Variants in NCOA3 observed in about 807,000 individuals in gnomAD.
NCOA3 encodes the protein CBP-interacting protein.
NCOA3 carries 51 observed loss-of-function variants against 158.8 expected under a neutral mutation model. The ratio of observed to expected loss-of-function variants is 0.32; its 90% CI spans 0.26 to 0.41. The LOEUF (loss-of-function observed/expected upper bound fraction) is 0.41, where lower values mean the gene tolerates loss of function less well. Among genes scored for constraint, NCOA3 ranks in the 10% least tolerant of loss-of-function variants. The pLI is 1.00. For synonymous variants in NCOA3, 537 were observed against 592.4 expected (o/e 0.91, Z 1.36); for missense variants, 1,510 against 1,746.6 (o/e 0.86, Z 2.41).
rs774591657 is a variant in NCOA3 at position 47,603,462 on chromosome 20, A to G, written c.-19-18767A>G. On this transcript the variant is annotated intron_variant, in intron 2 of 22. Transcript: ENST00000371998. ...GGGAGTCTGCAACTCCCCAAGCCCA[A>G]GTAGGCATGTGTTACAGTATGCTCT... Among the ~76,000 whole-genome samples the G allele has an allele frequency of 3.3e-5, 5 of 152,368 alleles. No individual in the cohort carries two copies. The East Asian group carries it at 7.7e-4, about 24-fold the overall frequency.
At chr20:47,543,127 C>T (rs1398676151) in intron 1 of NCOA3, among the ~76,000 whole-genome samples, 4 of 152,140 alleles carry the variant, frequency 2.6e-5, no homozygotes, top group African/African-American at 7.2e-5. Flanking sequence ...GATTTGCTTC[C>T]GAGGTGGCTT....
At chr20:47,608,640 CAAAAAAAA>C (rs148545557) in intron 2 of NCOA3, among the ~76,000 whole-genome samples, 1 of 98,680 alleles carries the variant, frequency 1.0e-5, no homozygotes, top group African/African-American at 3.9e-5. Flanking sequence ...ACCCTGTCTC[CAAAAAAAA>C]AAAAAAAAAA....
At chr20:47,634,312 G>A (rs1215269734) in intron 10 of NCOA3, 117 bp downstream of exon 10, 6 of 1,004,656 alleles carry the variant, frequency 6.0e-6, no homozygotes, top group Non-Finnish European at 8.8e-6. Context: ...AGGTTATTGG[G>A]TTTGATGAAA....
chr20:47,618,797 C>T (rs116848790), intron 2 of NCOA3, among the ~76,000 whole-genome samples: 3,674 of 152,124 alleles, frequency 0.024, 58 homozygotes, highest in Middle Eastern at 0.048. Flanking sequence ...GGACATAGCT[C>T]GACATATTTA....
chr20:47,505,246 A>G (rs1602309891), intron 1 of NCOA3, among the ~76,000 whole-genome samples: 1 of 151,226 alleles, frequency 6.6e-6, no homozygotes, highest in African/African-American at 2.4e-5. Context: ...TTTTTAGTAG[A>G]GACAAAGTTT....
intron 1 of NCOA3, among the ~76,000 whole-genome samples, chr20:47,510,821 G>T (rs1457889175): frequency 6.6e-6 from 1 of 152,062 alleles, no homozygotes; most frequent in South Asian, 2.1e-4. Flanking sequence ...GGGATCAAGC[G>T]ATCCTTCTGC....
At chr20:47,618,045 TGGCC>T (rs1257629783) in intron 2 of NCOA3, among the ~76,000 whole-genome samples, 22 of 152,238 alleles carry the variant, frequency 1.4e-4, no homozygotes, top group Admixed American at 1.4e-3. Context: ...GAGACCAGCC[TGGCC>T]ATCATGGTGA....
At chr20:47,618,376 C>T (rs1294750005) in intron 2 of NCOA3, among the ~76,000 whole-genome samples, 1,961 of 89,004 alleles carry the variant, frequency 0.022, 63 homozygotes, top group African/African-American at 0.08. Flanking sequence ...TTTTTATAGA[C>T]AGAATTCACT....
At chr20:47,591,529 T>G (rs2085640239) in intron 2 of NCOA3, among the ~76,000 whole-genome samples, 1 of 152,230 alleles carries the variant, frequency 6.6e-6, no homozygotes, top group South Asian at 2.1e-4. Flanking sequence ...TTTATAGATG[T>G]GCATTTTCAT....
In NCOA3 at chr20:47,627,743, G is replaced by A; in HGVS notation, c.715G>A (p.Gly239Arg). ...TCAGCCACGAGCTATGATGGAGGAA[G>A]GGGAAGGTAAGAGCTATTATATGTT... ...LSQPRAMMEE[G>R]EDLQSCMICV... The change falls in exon 7 of 23, where the codon GGG becomes AGG. Residue 239 changes from glycine to arginine, a missense_variant. By Grantham distance (125) the Gly-to-Arg change is moderately radical. Coordinates refer to ENST00000371998, the MANE Select transcript of NCOA3 (RefSeq NM_181659.3). 6.2e-7 allele frequency: 1 copy of A among 1,613,028 alleles called. No homozygotes were observed. The highest frequency in any genetic ancestry group is 8.5e-7 in the Non-Finnish European group (1 of 1,179,648).
chr20:47,652,118 G>A (rs775607883), intron 20 of NCOA3, among the ~76,000 whole-genome samples: 3 of 152,230 alleles, frequency 2.0e-5, no homozygotes, highest in East Asian at 1.9e-4. Context: ...AGTGATGTGA[G>A]TTGAGTGATA....
intron 18 of NCOA3, among the ~76,000 whole-genome samples, 173 bp downstream of exon 18, chr20:47,647,539 T>C (rs1212271363): frequency 6.6e-6 from 1 of 152,226 alleles, no homozygotes; most frequent in Non-Finnish European, 1.5e-5. Flanking sequence ...AGGAGTAGTT[T>C]TATGAGAATA....
intron 5 of NCOA3, 122 bp from the exon 6 acceptor site, chr20:47,626,880 C>T (rs2086330746): frequency 1.2e-6 from 1 of 819,184 alleles, no homozygotes; most frequent in African/African-American, 1.7e-5. Context: ...TCTTTAATTA[C>T]CTCCTTGAAG....
intron 2 of NCOA3, among the ~76,000 whole-genome samples, chr20:47,615,707 C>T (rs1282349582): frequency 6.6e-6 from 1 of 152,118 alleles, no homozygotes; most frequent in Admixed American, 6.5e-5. Context: ...ATAGAAAGGC[C>T]TATAGTATTT....
Position 47,636,066 on chromosome 20 carries a change from T to A in NCOA3, c.1680T>A (p.Ser560Arg). ...CCAATATGAATATTACCCAACCAAG[T>A]AAAGTAAGCAATCAGGATTCCAAGA... is the stretch of plus-strand genomic sequence containing the variant. ...NSPNMNITQP[S>R]KVSNQDSKSP... The change falls in exon 12 of 23, where the codon AGT (serine) becomes AGA (arginine). Residue 560 changes from serine to arginine, a missense_variant. By Grantham distance (110) the Ser-to-Arg change is moderately radical. Transcript: ENST00000371998. 1 of 1,614,060 alleles carries A rather than the reference T, an allele frequency of 6.2e-7. No individual in the cohort carries two copies. The highest frequency in any genetic ancestry group is 2.2e-5 in the East Asian group (1 of 44,870).
At chr20:47,614,267 T>C (rs1163732711) in intron 2 of NCOA3, among the ~76,000 whole-genome samples, 1 of 152,222 alleles carries the variant, frequency 6.6e-6, no homozygotes, top group Non-Finnish European at 1.5e-5. Context: ...GATTAAGCCC[T>C]TGTGTTAACT....
chr20:47,651,476 GTTGAATATTTTT>G (rs2086793939), intron 20 of NCOA3, among the ~76,000 whole-genome samples, 200 bp downstream of exon 20: 1 of 152,168 alleles, frequency 6.6e-6, no homozygotes, highest in Admixed American at 6.5e-5. Context: ...TCCTGTCATA[GTTGAATATTTTT>G]TTCAGTCCCA....
intron 1 of NCOA3, among the ~76,000 whole-genome samples, chr20:47,538,619 C>A (rs1236153415): frequency 6.6e-6 from 1 of 152,022 alleles, no homozygotes; most frequent in African/African-American, 2.4e-5. Context: ...CTCACTGCAA[C>A]CTCTGCCTCC....
rs1429532744 is a variant in NCOA3 at position 47,654,649 on chromosome 20, T to C, written c.*1232T>C. 1 of 152,626 alleles carries C rather than the reference T, an allele frequency of 6.6e-6. No individual in the cohort carries two copies. The highest frequency in any genetic ancestry group is 1.5e-5 in the Non-Finnish European group (1 of 68,056). The allele number at this position is 152,626 out of a possible 1,614,324, so 9.5% of individuals were successfully genotyped here. A position where few individuals can be genotyped will look rare whatever the true frequency, so the allele number is the denominator to read the frequency against. On this transcript the variant is annotated 3_prime_UTR_variant, in exon 23 of 23. Coordinates refer to ENST00000371998, the MANE Select transcript of NCOA3 (RefSeq NM_181659.3). ...TCAATCTCTTAATCTAAATGCTTTT[T>C]AAAGAGATTATTTGTTTAGATGTAG...
Sources: gnomAD v4.1 joint callset for allele counts (sites outside exome capture counted in the v4.1 genomes callset) on GRCh38, gnomAD v4.1.1 for gene constraint, MANE v1.5 for transcripts, NCBI Gene and HGNC (gene_info 2026-07-23, HGNC 2026-07-21) for gene names.